GRK3: variants seen among roughly 807,000 people sequenced by gnomAD.
GRK3 encodes G protein-coupled receptor kinase 3.
In GRK3, 54 loss-of-function variants were observed where a neutral mutation model predicts 95.7. That is an observed-to-expected ratio of 0.56 (90% CI 0.45 to 0.71). The LOEUF (loss-of-function observed/expected upper bound fraction) is 0.71, where lower values mean the gene tolerates loss of function less well. Among genes scored for constraint, GRK3 ranks in the 30% least tolerant of loss-of-function variants. The pLI is 0.00. For synonymous variants in GRK3, 281 were observed against 290.8 expected, an observed-to-expected ratio of 0.97 and a Z score of 0.34; for missense variants, 649 against 851.2, an observed-to-expected ratio of 0.76 and a Z score of 2.96.
At chr22:25,663,910 C>G (rs55842914) in intron 5 of GRK3, among the ~76,000 whole-genome samples, 1 of 152,108 alleles carries the variant, frequency 6.6e-6, no homozygotes, top group East Asian at 1.9e-4. Context: ...CTTCCTAAAG[C>G]CTTTTCTGAA....
At chr22:25,599,991 G>A (rs563210407) in intron 1 of GRK3, among the ~76,000 whole-genome samples, 42 of 152,138 alleles carry the variant, frequency 2.8e-4, no homozygotes, top group Non-Finnish European at 3.5e-4. Flanking sequence ...ATATGATCTA[G>A]CTAATTCACT....
Position 25,718,155 on chromosome 22 carries a change from A to G in GRK3, c.1655-90A>G, listed in dbSNP as rs3730311. ...TTTATAGAAACCTGCTTTTTCCAAAAAGCATGTCTGTTCTTTTTTCAGAGA... is the reference window on the plus strand; with the variant it reads ...TTTATAGAAACCTGCTTTTTCCAAAGAGCATGTCTGTTCTTTTTTCAGAGA... On this transcript the variant is annotated intron_variant, in intron 18 of 20. Transcript: ENST00000324198. 1,349 of 1,443,242 alleles carry G rather than the reference A, an allele frequency of 9.3e-4. 14 individuals are homozygous for G. The African/African-American group carries it at 0.018, about 19-fold the overall frequency. 89.4% of individuals were successfully genotyped at this position (1,443,242 alleles called of 1,614,324 possible).
intron 2 of GRK3, among the ~76,000 whole-genome samples, chr22:25,629,574 G>T (rs1453027777): frequency 3.3e-5 from 5 of 152,202 alleles, no homozygotes; most frequent in African/African-American, 1.2e-4. Context: ...CTATGCAAGG[G>T]ACTGTAAGTC....
intron 2 of GRK3, among the ~76,000 whole-genome samples, chr22:25,628,672 G>A (rs1246668005): frequency 6.6e-6 from 1 of 152,214 alleles, no homozygotes; most frequent in Non-Finnish European, 1.5e-5. Flanking sequence ...ACAAACACTT[G>A]TAACAAGGAA....
At chr22:25,599,211 G>A (rs2084392082) in intron 1 of GRK3, among the ~76,000 whole-genome samples, 1 of 152,074 alleles carries the variant, frequency 6.6e-6, no homozygotes, top group Non-Finnish European at 1.5e-5. Flanking sequence ...TTGATAAATT[G>A]GGTTTAATCA....
At chr22:25,720,633 C>T (rs536029339) in intron 19 of GRK3, among the ~76,000 whole-genome samples, 30 of 151,956 alleles carry the variant, frequency 2.0e-4, no homozygotes, top group East Asian at 5.8e-4. Context: ...CCCGCTACCA[C>T]GCCCGGCTAA....
chr22:25,663,729 A>G (rs1601510608), intron 5 of GRK3, 25 bp downstream of exon 5: 16 of 1,512,544 alleles, frequency 1.1e-5, no homozygotes, highest in Non-Finnish European at 1.4e-5. Flanking sequence ...TTCCAAAATA[A>G]ATAGATAATA....
chr22:25,565,471 G>A (rs1931438694), intron 1 of GRK3, among the ~76,000 whole-genome samples: 1 of 150,936 alleles, frequency 6.6e-6, no homozygotes, highest in Non-Finnish European at 1.5e-5. Context: ...CCCCAGCCCT[G>A]TCCTGTCCTG....
intron 1 of GRK3, among the ~76,000 whole-genome samples, chr22:25,585,966 C>T (rs1275698631): frequency 6.6e-6 from 1 of 152,286 alleles, no homozygotes; most frequent in African/African-American, 2.4e-5. Context: ...GAAGGCTCCA[C>T]GGTGTTGGTG....
At chr22:25,631,730 C>G (rs1401915991) in intron 2 of GRK3, among the ~76,000 whole-genome samples, 2 of 152,172 alleles carry the variant, frequency 1.3e-5, no homozygotes, top group African/African-American at 4.8e-5. Context: ...CCTGGTGACC[C>G]TTCGTAGTCA....
chr22:25,710,289 C>T (rs991128837), intron 16 of GRK3, among the ~76,000 whole-genome samples: 1 of 152,220 alleles, frequency 6.6e-6, no homozygotes, highest in African/African-American at 2.4e-5. Flanking sequence ...TATAATTGAG[C>T]CTTTTTTAGT....
intron 1 of GRK3, among the ~76,000 whole-genome samples, chr22:25,600,153 T>TG (rs1480748604): frequency 1.3e-5 from 2 of 151,652 alleles, no homozygotes; most frequent in East Asian, 1.9e-4. Context: ...CAGGGTTTTT[T>TG]TTTTTTTTTT....
At chr22:25,578,122 G>T (rs1357932776) in intron 1 of GRK3, among the ~76,000 whole-genome samples, 2 of 151,974 alleles carry the variant, frequency 1.3e-5, no homozygotes, top group African/African-American at 4.8e-5. Context: ...GAATTGGAAG[G>T]TTATTTGAAA....
At chr22:25,565,464 C>G (rs1441562014) in intron 1 of GRK3, among the ~76,000 whole-genome samples, 3 of 152,184 alleles carry the variant, frequency 2.0e-5, no homozygotes, top group African/African-American at 7.2e-5. Context: ...CCCCTCCCCC[C>G]AGCCCTGTCC....
chr22:25,573,178 C>T (rs530186579), intron 1 of GRK3, among the ~76,000 whole-genome samples: 66 of 152,352 alleles, frequency 4.3e-4, no homozygotes, highest in African/African-American at 1.4e-3. Context: ...ACTTATTCCT[C>T]ATAATGCACA....
chr22:25,604,370 C>CT lies in GRK3; in HGVS notation c.114-5dup. 6 of 1,605,812 alleles carry CT rather than the reference C, an allele frequency of 3.7e-6. No homozygotes were observed. Among genetic ancestry groups the CT allele is most frequent in the Non-Finnish European group, 5.1e-6 (6 of 1,175,700 alleles). ...ATTGTTAAAAATGTGTCACTCTTCC[C>CT]TTCCAGTATCCGGAGTGTGATGCAG... On this transcript the variant is annotated splice_polypyrimidine_tract_variant and splice_region_variant and intron_variant, in intron 1 of 20. Coordinates refer to ENST00000324198, the MANE Select transcript of GRK3 (RefSeq NM_005160.4).
At chr22:25,700,661 C>T (rs1182934529) in intron 13 of GRK3, among the ~76,000 whole-genome samples, 1 of 152,202 alleles carries the variant, frequency 6.6e-6, no homozygotes, top group Admixed American at 6.5e-5. Flanking sequence ...GATCTTGGCT[C>T]ACTGCAAGCT....
Position 25,608,235 on chromosome 22 carries a change from CAAAG to C in GRK3, c.190+3785_190+3788del, listed in dbSNP as rs1277305463. ...TCTTCTTAATAGTGGCAATTAAAAACAAAGAATGAAGTTTATTAGGGAGTTACAA... is the reference window on the plus strand; with the variant it reads ...TCTTCTTAATAGTGGCAATTAAAAACAATGAAGTTTATTAGGGAGTTACAA... On this transcript the variant is annotated intron_variant, in intron 2 of 20. Transcript: ENST00000324198. Among the ~76,000 whole-genome samples the C allele has an allele frequency of 2.6e-5, 4 of 152,270 alleles. No homozygotes were observed. In the East Asian group the frequency reaches 7.7e-4, roughly 29 times the overall value.
chr22:25,606,677 T>C (rs1381946664), intron 2 of GRK3, among the ~76,000 whole-genome samples: 1 of 152,136 alleles, frequency 6.6e-6, no homozygotes, highest in African/African-American at 2.4e-5. Context: ...TTTTCCCTCT[T>C]TCCTTACCTC....
Sources: allele counts gnomAD v4.1 joint callset (sites outside exome capture counted in the v4.1 genomes callset), GRCh38; gene constraint gnomAD v4.1.1; transcripts MANE v1.5; gene names NCBI Gene and HGNC (gene_info 2026-07-23, HGNC 2026-07-21).